Variants in PSMD14 observed in about 807,000 individuals in gnomAD.
PSMD14 encodes the protein ubiquitin C-terminal hydrolase PSMD14.
PSMD14 carries 7 observed loss-of-function variants against 41.2 expected under a neutral mutation model. The ratio of observed to expected loss-of-function variants is 0.17; its 90% CI spans 0.10 to 0.32. PSMD14 has a LOEUF of 0.32. Among genes scored for constraint, PSMD14 ranks in the 10% least tolerant of loss-of-function variants. The probability of loss-of-function intolerance (pLI) is 1.00; values close to 1 mark genes in which losing one functional copy is unlikely to be tolerated. For synonymous variants in PSMD14, 114 were observed against 122.3 expected, an observed-to-expected ratio of 0.93 and a Z score of 0.45; for missense variants, 139 against 375.6, an observed-to-expected ratio of 0.37 and a Z score of 5.21.
chr2:161,335,479 ATT>A (rs1682855249), intron 3 of PSMD14, among the ~76,000 whole-genome samples: 1 of 152,196 alleles, frequency 6.6e-6, no homozygotes, highest in African/African-American at 2.4e-5. Context: ...TGGCCACTAT[ATT>A]GGACAGTGCA....
intron 2 of PSMD14, among the ~76,000 whole-genome samples, chr2:161,317,951 A>G (rs898510260): frequency 1.3e-5 from 2 of 152,162 alleles, no homozygotes; most frequent in African/African-American, 2.4e-5. Flanking sequence ...AACTTTTAAA[A>G]TTTGATTACT....
intron 3 of PSMD14, among the ~76,000 whole-genome samples, chr2:161,352,454 T>C (rs1683132396): frequency 6.6e-6 from 1 of 152,202 alleles, no homozygotes; most frequent in Admixed American, 6.5e-5. Context: ...CTTACTCTCT[T>C]TCCTTTTATT....
At chr2:161,309,412 A>G (rs1375674385) in intron 1 of PSMD14, among the ~76,000 whole-genome samples, 1 of 152,234 alleles carries the variant, frequency 6.6e-6, no homozygotes, top group Non-Finnish European at 1.5e-5. Context: ...GGGTTTAAAA[A>G]TGAGCATAAA....
At chr2:161,394,197 C>T (rs899234460) in intron 9 of PSMD14, among the ~76,000 whole-genome samples, 1 of 151,986 alleles carries the variant, frequency 6.6e-6, no homozygotes, top group African/African-American at 2.4e-5. Context: ...GTCTCGAATT[C>T]CTGACCTCAA....
At chr2:161,405,636 T>G (rs927667928) in intron 10 of PSMD14, among the ~76,000 whole-genome samples, 3 of 152,178 alleles carry the variant, frequency 2.0e-5, no homozygotes, top group Non-Finnish European at 4.4e-5. Context: ...TAATATTGTT[T>G]ATATAGTCAA....
chr2:161,341,399 A>G, intron 3 of PSMD14: 1 of 691,970 alleles, frequency 1.4e-6, no homozygotes, highest in Non-Finnish European at 1.8e-6. Context: ...TTTGTTAATG[A>G]ATTTTATGAG....
intron 3 of PSMD14, among the ~76,000 whole-genome samples, chr2:161,341,742 G>T (rs1272166921): frequency 6.6e-6 from 1 of 151,276 alleles, no homozygotes; most frequent in Non-Finnish European, 1.5e-5. Flanking sequence ...AGGAGGCTGA[G>T]GCAGGAGAAT....
At chr2:161,336,648 T>C (rs1028128616) in intron 3 of PSMD14, among the ~76,000 whole-genome samples, 1 of 152,208 alleles carries the variant, frequency 6.6e-6, no homozygotes, top group African/African-American at 2.4e-5. Flanking sequence ...TGATCTTGGC[T>C]CACTGCAACC....
chr2:161,405,157 T>C (rs1574144368), intron 10 of PSMD14, among the ~76,000 whole-genome samples: 1 of 152,294 alleles, frequency 6.6e-6, no homozygotes, highest in East Asian at 1.9e-4. Flanking sequence ...GTTTGAAACT[T>C]TGGACTCATC....
chr2:161,364,704 A>T (rs1000294519), intron 3 of PSMD14, among the ~76,000 whole-genome samples: 3 of 152,140 alleles, frequency 2.0e-5, no homozygotes, highest in African/African-American at 7.2e-5. Flanking sequence ...GGTGTATTAT[A>T]TGCGATTTCT....
At chr2:161,354,708 T>C (rs772563456) in intron 3 of PSMD14, among the ~76,000 whole-genome samples, 4 of 152,204 alleles carry the variant, frequency 2.6e-5, no homozygotes, top group Admixed American at 1.3e-4. Context: ...ATTTTTTAAA[T>C]AGGTGAAAAT....
chr2:161,356,632 T>G (rs1008180655), intron 3 of PSMD14, among the ~76,000 whole-genome samples: 1 of 152,082 alleles, frequency 6.6e-6, no homozygotes, highest in African/African-American at 2.4e-5. Context: ...AAAGCCTATT[T>G]TCTTTTTTGT....
chr2:161,345,992 G>T (rs1362271670), intron 3 of PSMD14, among the ~76,000 whole-genome samples: 4 of 151,868 alleles, frequency 2.6e-5, no homozygotes, highest in Non-Finnish European at 2.9e-5. Context: ...CCCAGGCTTA[G>T]GCGATCCTCC....
At chr2:161,381,420 CA>C (rs2105262512) in intron 7 of PSMD14, 1 of 151,564 alleles carries the variant, frequency 6.6e-6, no homozygotes, top group South Asian at 2.1e-4. Context: ...GCAACTGGAC[CA>C]AAGGCAACTA....
At chr2:161,322,550 C>T (rs757966662) in intron 3 of PSMD14, among the ~76,000 whole-genome samples, 8 of 152,090 alleles carry the variant, frequency 5.3e-5, no homozygotes, top group Non-Finnish European at 7.4e-5. Context: ...CCTCCACGCC[C>T]AGCTAATTTT....
chr2:161,340,757 C>A, intron 3 of PSMD14: 1 of 1,611,216 alleles, frequency 6.2e-7, no homozygotes, highest in Non-Finnish European at 8.5e-7. Context: ...TTTTATCTCT[C>A]AAGCTTTTAA....
chr2:161,334,722 T>G (rs1682842218), intron 3 of PSMD14, among the ~76,000 whole-genome samples: 1 of 152,272 alleles, frequency 6.6e-6, no homozygotes, highest in Non-Finnish European at 1.5e-5. Context: ...TTAAGTATTT[T>G]TCTTCTGATG....
intron 10 of PSMD14, among the ~76,000 whole-genome samples, chr2:161,404,677 T>C (rs1461776218): frequency 6.6e-6 from 1 of 152,178 alleles, no homozygotes; most frequent in African/African-American, 2.4e-5. Flanking sequence ...TTAAAAGAGA[T>C]GAGTGATTTA....
intron 5 of PSMD14, among the ~76,000 whole-genome samples, chr2:161,368,742 T>A (rs1427680990): frequency 1.3e-5 from 2 of 152,066 alleles, no homozygotes; most frequent in Non-Finnish European, 2.9e-5. Context: ...AAGAAATTGT[T>A]GTTATAAAGC....
Sources: gnomAD v4.1 joint callset for allele counts (sites outside exome capture counted in the v4.1 genomes callset) on GRCh38, gnomAD v4.1.1 for gene constraint, MANE v1.5 for transcripts, NCBI Gene and HGNC (gene_info 2026-07-23, HGNC 2026-07-21) for gene names.